Variants in BNIP1 observed in about 807,000 individuals in gnomAD.
BNIP1 encodes the protein vesicle transport protein SEC20.
Under a neutral mutation model 28.5 loss-of-function variants are expected in BNIP1, and 25 were observed. The observed-to-expected ratio is 0.88, with a 90% CI of 0.64 to 1.23. The LOEUF is 1.23. Among genes scored for constraint, BNIP1 ranks in the 50% most tolerant of loss-of-function variants. BNIP1 has a pLI of 0.00. For synonymous variants in BNIP1, 118 were observed against 101.7 expected (o/e 1.16, Z -0.96); for missense variants, 276 against 277.0 (o/e 1.00, Z 0.02).
intron 5 of BNIP1, chr5:173,160,867 T>C (rs1364136914): frequency 2.2e-6 from 1 of 456,164 alleles, no homozygotes; most frequent in Admixed American, 2.3e-5. Context: ...GAGAGACTGC[T>C]TGAGACCATC....
Position 173,158,780 on chromosome 5 carries a change from C to A in BNIP1, c.306C>A (p.Cys102Ter). Residue 102 changes from cysteine (C) to a stop codon, truncating the protein, a stop_gained, in exon 4 of 6, where the codon TGC becomes TGA. Transcript: ENST00000351486. LOFTEE classifies it high-confidence loss of function. The stretch of plus-strand genomic sequence containing the variant: ...CATGGAGGAAAGCTAATCTCACCTG[C>A]AAAATTGCAATCGACAATCTAGAGA... ...QASWRKANLT[C>*]KIAIDNLEKA... The A allele has an allele frequency of 6.2e-7, 1 of 1,614,066 alleles. No individual in the cohort carries two copies. The highest frequency in any genetic ancestry group is 8.5e-7 in the Non-Finnish European group (1 of 1,180,004).
Position 173,163,853 on chromosome 5 carries a change from C to G in BNIP1, c.619C>G (p.Leu207Val). 1 of 1,614,120 alleles carries G rather than the reference C, an allele frequency of 6.2e-7. No individual in the cohort carries two copies. Among genetic ancestry groups the G allele is most frequent in the East Asian group, 2.2e-5 (1 of 44,886 alleles). The change falls in exon 6 of 6, where the codon CTT becomes GTT. Residue 207 changes from leucine (L) to valine (V), a missense_variant. Physicochemically the swap from Leu to Val is conservative, Grantham distance 32. Transcript: ENST00000351486. The stretch of plus-strand genomic sequence containing the variant: ...GCTGACGGACAAGCTTCTCATCTTC[C>G]TTGCGCTAGCCCTGTTTCTTGCTAC... ...RELTDKLLIF[L>V]ALALFLATVL...
In BNIP1 at chr5:173,158,761, G is replaced by A. The variant is rs1760280062; in HGVS notation, c.287G>A (p.Arg96Lys). Residue 96 changes from arginine to lysine, a missense_variant, in exon 4 of 6, where the codon AGG (arginine) becomes AAG (lysine). Coordinates refer to ENST00000351486, the MANE Select transcript of BNIP1 (RefSeq NM_001205.3). ...KQMLSNQASW[R>K]KANLTCKIAI... ...AATTCCAGCAATCAGGCCTCATGGA[G>A]GAAAGCTAATCTCACCTGCAAAATT... 6.2e-7 allele frequency: 1 copy of A among 1,613,872 alleles called. No homozygotes were observed. The highest frequency in any genetic ancestry group is 8.5e-7 in the Non-Finnish European group (1 of 1,179,950).
intron 3 of BNIP1, among the ~76,000 whole-genome samples, chr5:173,157,567 A>G (rs779153980): frequency 3.3e-5 from 5 of 152,116 alleles, no homozygotes; most frequent in Non-Finnish European, 7.3e-5. Context: ...GGCACTCGCC[A>G]TCATGTCCAG....
chr5:173,149,038 T>A (rs932739361), intron 2 of BNIP1, among the ~76,000 whole-genome samples: 3 of 152,128 alleles, frequency 2.0e-5, no homozygotes, highest in Non-Finnish European at 4.4e-5. Context: ...TAGTGGGACC[T>A]AGGAGAGTCA....
At chr5:173,149,155 A>G (rs1759946599) in intron 2 of BNIP1, among the ~76,000 whole-genome samples, 1 of 152,160 alleles carries the variant, frequency 6.6e-6, no homozygotes, top group Admixed American at 6.5e-5. Flanking sequence ...ACCTTCAGTG[A>G]GGGTGAGGTG....
intron 3 of BNIP1, among the ~76,000 whole-genome samples, chr5:173,156,798 G>A (rs1295588289): frequency 2.0e-5 from 3 of 151,450 alleles, no homozygotes; most frequent in Non-Finnish European, 4.4e-5. Context: ...ACAGGCACCC[G>A]CCACCACGCC....
chr5:173,163,689 G>T, intron 5 of BNIP1, 36 bp from the exon 6 acceptor site: 1 of 1,539,432 alleles, frequency 6.5e-7, no homozygotes, highest in African/African-American at 1.4e-5. Flanking sequence ...TTGAGCTGCA[G>T]TCTCTGAGTT....
chr5:173,149,706 C>T (rs1759959179), intron 2 of BNIP1, among the ~76,000 whole-genome samples: 1 of 152,142 alleles, frequency 6.6e-6, no homozygotes, highest in Non-Finnish European at 1.5e-5. Flanking sequence ...GCAGTATCTG[C>T]TTCTGGGGAG....
chr5:173,147,894 G>A (rs1394263341), intron 2 of BNIP1, among the ~76,000 whole-genome samples: 1 of 150,012 alleles, frequency 6.7e-6, no homozygotes, highest in Non-Finnish European at 1.5e-5. Flanking sequence ...GCAAAACCCT[G>A]TCTCTGATAA....
chr5:173,151,524 C>T (rs903500038), intron 2 of BNIP1: 1 of 1,577,582 alleles, frequency 6.3e-7, no homozygotes, highest in African/African-American at 1.4e-5. Context: ...CCTGGTCTCT[C>T]ATTCTTTTCT....
chr5:173,146,995 G>C (rs373931929), intron 2 of BNIP1, 37 bp downstream of exon 2: 287 of 1,527,630 alleles, frequency 1.9e-4, no homozygotes, highest in Middle Eastern at 3.4e-4. Flanking sequence ...AGGGGGCTCT[G>C]TCCTGGGTAT....
intron 5 of BNIP1, among the ~76,000 whole-genome samples, chr5:173,162,722 C>G (rs1378434358): frequency 6.6e-6 from 1 of 152,106 alleles, no homozygotes; most frequent in Non-Finnish European, 1.5e-5. Context: ...TGCACAGCAG[C>G]CTCGCATGTC....
At chr5:173,154,813 C>T (rs193162587) in intron 3 of BNIP1, among the ~76,000 whole-genome samples, 26 of 152,272 alleles carry the variant, frequency 1.7e-4, no homozygotes, top group Middle Eastern at 3.4e-3. Flanking sequence ...TGAGCAACCA[C>T]GCCCAGCCAA....
intron 5 of BNIP1, among the ~76,000 whole-genome samples, chr5:173,160,267 TC>T (rs1760325509): frequency 2.0e-5 from 3 of 150,200 alleles, no homozygotes; most frequent in Admixed American, 6.7e-5. Context: ...GGAGTTTCGC[TC>T]TTGTTGCCCA....
chr5:173,153,390 G>A (rs746092773), intron 2 of BNIP1, among the ~76,000 whole-genome samples: 15 of 151,962 alleles, frequency 9.9e-5, no homozygotes, highest in Admixed American at 4.6e-4. Flanking sequence ...ACCACGCCCG[G>A]CTAATTTTTT....
chr5:173,148,134 ATATT>A lies in BNIP1; in HGVS notation c.177+1178_177+1181del, dbSNP rs1561593539. 2.5e-4 allele frequency among the ~76,000 whole-genome samples: 25 copies of A among 99,582 alleles called. 1 individual carries two copies. The highest frequency in any genetic ancestry group is 9.2e-4 in the African/African-American group (23 of 24,906). 65.3% of individuals were successfully genotyped at this position (99,582 alleles called of 152,430 possible). The stretch of plus-strand genomic sequence containing the variant: ...TATATATATATATATATATATATAT[ATATT>A]TTAATAGAGATGGATTTTTTGCTCT... On this transcript the variant is annotated intron_variant, in intron 2 of 5. Coordinates refer to ENST00000351486, the MANE Select transcript of BNIP1 (RefSeq NM_001205.3).
intron 2 of BNIP1, among the ~76,000 whole-genome samples, chr5:173,152,597 C>T (rs1453068760): frequency 6.6e-6 from 1 of 152,168 alleles, no homozygotes; most frequent in East Asian, 1.9e-4. Context: ...AATCTGCCTG[C>T]CCTGGCCTCC....
chr5:173,154,350 A>G lies in BNIP1; in HGVS notation c.206A>G (p.Asp69Gly). 2 of 1,614,056 alleles carry G rather than the reference A, an allele frequency of 1.2e-6. No homozygotes were observed. Among genetic ancestry groups the G allele is most frequent in the South Asian group, 1.1e-5 (1 of 91,048 alleles). ...QDLEQLAKEQ[D>G]KESEKQLLLQ... ...CTGGAGCAGTTGGCTAAAGAGCAAGACAAAGAATCAGAGAAACAACTTCTA... is the reference window on the plus strand; with the variant it reads ...CTGGAGCAGTTGGCTAAAGAGCAAGGCAAAGAATCAGAGAAACAACTTCTA... Residue 69 changes from aspartate (D) to glycine (G), a missense_variant, in exon 3 of 6, where the codon GAC becomes GGC. Transcript: ENST00000351486.
Sources: gnomAD v4.1 joint callset for allele counts (sites outside exome capture counted in the v4.1 genomes callset) on GRCh38, gnomAD v4.1.1 for gene constraint, MANE v1.5 for transcripts, NCBI Gene and HGNC (gene_info 2026-07-23, HGNC 2026-07-21) for gene names.